The following SLC13A5 variants were observed in gnomAD, a reference collection of about 807,000 sequenced individuals.
The protein encoded by SLC13A5 is Na(+)/citrate cotransporter.
Under a neutral mutation model 56.5 loss-of-function variants are expected in SLC13A5, and 25 were observed. The ratio of observed to expected loss-of-function variants is 0.44; its 90% CI spans 0.32 to 0.62. The LOEUF (loss-of-function observed/expected upper bound fraction) is 0.62, where lower values mean the gene tolerates loss of function less well. Ranked by LOEUF, SLC13A5 falls within the 20% of genes least tolerant of loss-of-function variation. SLC13A5 has a pLI of 0.04. For synonymous variants in SLC13A5, 307 were observed against 301.5 expected (o/e 1.02, Z -0.19); for missense variants, 649 against 737.8 (o/e 0.88, Z 1.39).
intron 1 of SLC13A5, among the ~76,000 whole-genome samples, chr17:6,709,449 T>C (rs1042172750): frequency 4.6e-5 from 7 of 152,042 alleles, no homozygotes; most frequent in African/African-American, 1.4e-4. Flanking sequence ...TTTGTATTTT[T>C]AGTAGAGAGG....
intron 3 of SLC13A5, among the ~76,000 whole-genome samples, chr17:6,706,244 C>A (rs530502741): frequency 6.6e-6 from 1 of 152,176 alleles, no homozygotes; most frequent in Admixed American, 6.5e-5. Context: ...GGAGAGAGGA[C>A]CTTTCTGCTT....
intron 11 of SLC13A5, 29 bp from the exon 12 acceptor site, chr17:6,686,367 A>AGGCC (rs772928725): frequency 6.2e-6 from 10 of 1,613,580 alleles, no homozygotes; most frequent in Admixed American, 3.3e-5. Flanking sequence ...CAGCACCCTG[A>AGGCC]GGCCTGCTGG....
Position 6,711,063 on chromosome 17 carries a change from C to G in SLC13A5, c.102+2169G>C, listed in dbSNP as rs925498400. Among the ~76,000 whole-genome samples the G allele has an allele frequency of 6.6e-6, 1 of 151,876 alleles. No individual in the cohort carries two copies. The highest frequency in any genetic ancestry group is 1.5e-5 in the Non-Finnish European group (1 of 67,972). On this transcript the variant is annotated intron_variant, in intron 1 of 11. Coordinates refer to ENST00000433363, the MANE Select transcript of SLC13A5 (RefSeq NM_177550.5). This position sits in a 1 kb window ranked among gnomAD's most constrained non-coding sequence, Gnocchi z 4.0. ...TGGAGACAGGAAAACTGGAGACAGTCGGTGAGGAGAGAGGCCTGGGTGTTG... is the reference window on the plus strand; with the variant it reads ...TGGAGACAGGAAAACTGGAGACAGTGGGTGAGGAGAGAGGCCTGGGTGTTG...
At chr17:6,703,418 A>G (rs1041839178) in intron 4 of SLC13A5, among the ~76,000 whole-genome samples, 7 of 152,242 alleles carry the variant, frequency 4.6e-5, no homozygotes, top group African/African-American at 1.4e-4. Context: ...ACGGCAAGGT[A>G]GATGCTGACT....
chr17:6,706,610 G>T (rs1262006098), intron 3 of SLC13A5, 32 bp downstream of exon 3: 2 of 1,608,282 alleles, frequency 1.2e-6, no homozygotes, highest in Admixed American at 1.7e-5. Context: ...CTCATGCAGA[G>T]CCACGTGGCA....
At chr17:6,704,108 T>C (rs1352103098) in intron 3 of SLC13A5, 52 bp from the exon 4 acceptor site, 2 of 1,562,774 alleles carry the variant, frequency 1.3e-6, no homozygotes, top group Non-Finnish European at 8.7e-7. Context: ...CCCACCCCCG[T>C]ACTCCCTGGG....
At chr17:6,698,986 C>G (rs993757941) in intron 6 of SLC13A5, among the ~76,000 whole-genome samples, 1 of 150,382 alleles carries the variant, frequency 6.6e-6, no homozygotes. Flanking sequence ...GAGGTTGCAG[C>G]GAGCCGAGAT....
chr17:6,712,067 C>T (rs2151504456), intron 1 of SLC13A5, among the ~76,000 whole-genome samples: 1 of 152,328 alleles, frequency 6.6e-6, no homozygotes, highest in South Asian at 2.1e-4. Context: ...AACCAAACCA[C>T]CTAGCCCCAT....
intron 5 of SLC13A5, among the ~76,000 whole-genome samples, chr17:6,702,189 G>C (rs1407208418): frequency 2.0e-5 from 3 of 152,120 alleles, no homozygotes; most frequent in Non-Finnish European, 4.4e-5. Flanking sequence ...TGTCTGCAAA[G>C]GATGGCATCA....
rs1974082668 is a variant in SLC13A5, at chr17:6,713,113, C to G, written c.102+119G>C. On this transcript the variant is annotated intron_variant, in intron 1 of 11. Coordinates refer to ENST00000433363, the MANE Select transcript of SLC13A5 (RefSeq NM_177550.5). This position sits in a 1 kb window ranked among gnomAD's most constrained non-coding sequence, Gnocchi z 7.3. ...CTGGAGCTCCTGAGTGCGCGCGCCC[C>G]GGGAGAGCTGTGCTCCCCGCGAAAT... 2.0e-6 allele frequency: 2 copies of G among 1,016,834 alleles called. No individual in the cohort carries two copies. Among genetic ancestry groups the G allele is most frequent in the Non-Finnish European group, 2.9e-6 (2 of 685,418 alleles). The allele number at this position is 1,016,834 out of a possible 1,614,324, so 63.0% of individuals were successfully genotyped here.
chr17:6,706,537 G>A, intron 3 of SLC13A5, 105 bp downstream of exon 3: 9 of 1,481,860 alleles, frequency 6.1e-6, no homozygotes, highest in East Asian at 4.9e-5. Flanking sequence ...GTAAGCCCAT[G>A]GCCAGCCCTC....
intron 6 of SLC13A5, among the ~76,000 whole-genome samples, chr17:6,699,544 T>C (rs928079249): frequency 1.3e-5 from 2 of 152,160 alleles, no homozygotes; most frequent in Non-Finnish European, 2.9e-5. Context: ...GATCTTGGCT[T>C]ACTGCAACCT....
chr17:6,690,190 TCAG>T (rs1421609846), intron 10 of SLC13A5: 1 of 149,490 alleles, frequency 6.7e-6, no homozygotes, highest in Admixed American at 6.5e-5. Flanking sequence ...AGCCTGGCAC[TCAG>T]CAGCTTTTCC....
At chr17:6,707,179 T>C (rs1193575741) in intron 1 of SLC13A5, 23 bp from the exon 2 acceptor site, 3 of 1,612,092 alleles carry the variant, frequency 1.9e-6, no homozygotes, top group Non-Finnish European at 2.5e-6. Context: ...TCCTGAGGCC[T>C]CAGCGTGTTG....
intron 6 of SLC13A5, among the ~76,000 whole-genome samples, chr17:6,699,772 A>AT (rs1353756457): frequency 4.6e-5 from 7 of 151,750 alleles, no homozygotes; most frequent in Admixed American, 6.6e-5. Context: ...CGCCCGGCTA[A>AT]TTTTTGTATT....
chr17:6,711,229 C>A lies in SLC13A5; in HGVS notation c.102+2003G>T, dbSNP rs752655005. 6.6e-6 allele frequency among the ~76,000 whole-genome samples: 1 copy of A among 151,832 alleles called. No homozygotes were observed. Among genetic ancestry groups the A allele is most frequent in the African/African-American group, 2.4e-5 (1 of 41,318 alleles). Reference sequence around the variant, plus strand: ...CTCTGGGTTTCCTTGCACAATGGGGCGGCCATGGAGGGTGGGGGCAGGGTG... The same window carrying A: ...CTCTGGGTTTCCTTGCACAATGGGGAGGCCATGGAGGGTGGGGGCAGGGTG... On this transcript the variant is annotated intron_variant, in intron 1 of 11. Transcript: ENST00000433363. This position sits in a 1 kb window ranked among gnomAD's most constrained non-coding sequence, Gnocchi z 4.0.
Position 6,692,929 on chromosome 17 carries a change from G to A in SLC13A5, c.1275+115C>T, listed in dbSNP as rs17670749. 0.08 allele frequency: 63,923 copies of A among 796,754 alleles called. 2,900 individuals are homozygous for A. Among genetic ancestry groups the A allele is most frequent in the African/African-American group, 0.12 (6,952 of 58,830 alleles). 49.4% of individuals were successfully genotyped at this position (796,754 alleles called of 1,614,324 possible). Reference sequence around the variant, plus strand: ...AGTCCATGTCCTCAAGGAATGTGCGGTTATACGAAGGATGCAGGCACAGAA... The same window carrying A: ...AGTCCATGTCCTCAAGGAATGTGCGATTATACGAAGGATGCAGGCACAGAA... On this transcript the variant is annotated intron_variant, in intron 9 of 11. Transcript: ENST00000433363. The surrounding 1 kb of genome is among the most constrained non-coding windows in gnomAD (Gnocchi z 5.5).
In SLC13A5 at chr17:6,695,969, C is replaced by T. The variant is rs77795940; in HGVS notation, c.840-28G>A. On this transcript the variant is annotated intron_variant, in intron 6 of 11. Transcript: ENST00000433363. ...GGAGAATGCAAAGATGAGAGAAGGG[C>T]AGGGCAGACTGGTTGGCTCAGGTGC... 0.046 allele frequency: 73,401 copies of T among 1,606,850 alleles called. 1,881 individuals are homozygous for T. The highest frequency in any genetic ancestry group is 0.067 in the Middle Eastern group (400 of 5,990).
rs1490415954 is a variant in SLC13A5, at chr17:6,687,882, C to G, written c.1438-216G>C. The G allele has an allele frequency of 1.4e-5, 7 of 491,638 alleles. No homozygotes were observed. In the East Asian group the frequency reaches 2.2e-4, roughly 16 times the overall value. The allele number at this position is 491,638 out of a possible 1,614,324, so 30.5% of individuals were successfully genotyped here. A position where few individuals can be genotyped will look rare whatever the true frequency, so the allele number is the denominator to read the frequency against. Reference sequence around the variant, plus strand: ...CCACCTGCCCTAGAAGGCCTTACCCCCTCAATTCATTCGACATGTATTTCT... The same window carrying G: ...CCACCTGCCCTAGAAGGCCTTACCCGCTCAATTCATTCGACATGTATTTCT... On this transcript the variant is annotated intron_variant, in intron 10 of 11. Coordinates refer to ENST00000433363, the MANE Select transcript of SLC13A5 (RefSeq NM_177550.5). The surrounding 1 kb of genome is among the most constrained non-coding windows in gnomAD (Gnocchi z 5.0).
Sources: gnomAD v4.1 joint callset for allele counts (sites outside exome capture counted in the v4.1 genomes callset) on GRCh38, gnomAD v4.1.1 for gene constraint, Gnocchi (gnomAD v3.1) non-coding constraint, MANE v1.5 for transcripts, NCBI Gene and HGNC (gene_info 2026-07-23, HGNC 2026-07-21) for gene names.